The following ADCY10 variants were observed in gnomAD, a reference collection of about 807,000 sequenced individuals.
ADCY10 encodes the protein adenylate cyclase type 10.
In ADCY10, 156 loss-of-function variants were observed where a neutral mutation model predicts 183.3. The observed-to-expected ratio is 0.85, with a 90% CI of 0.75 to 0.97. The LOEUF (loss-of-function observed/expected upper bound fraction) is 0.97, where lower values mean the gene tolerates loss of function less well. Ranked by LOEUF, ADCY10 falls within the 50% of genes least tolerant of loss-of-function variation. ADCY10 has a pLI of 0.00. For synonymous variants in ADCY10, 645 were observed against 670.0 expected (o/e 0.96, Z 0.58); for missense variants, 1,745 against 1,934.3 (o/e 0.90, Z 1.84).
chr1:167,856,222 A>T lies in ADCY10; in HGVS notation c.2114T>A (p.Ile705Asn). Residue 705 changes from isoleucine to asparagine, a missense_variant, in exon 17 of 33, where the codon ATC becomes AAC. Transcript: ENST00000367851. ...GAGGTCAAGACAGATCTTGTTGGAG[A>T]TGTCGTTAGGCTGTACTGCACCAAT... ...IVIGAVQPND[I>N]SNKICLDLNV... 1 of 1,613,870 alleles carries T rather than the reference A, an allele frequency of 6.2e-7. No individual in the cohort carries two copies. Among genetic ancestry groups the T allele is most frequent in the Non-Finnish European group, 8.5e-7 (1 of 1,179,840 alleles).
intron 14 of ADCY10, among the ~76,000 whole-genome samples, chr1:167,865,975 G>A (rs534452497): frequency 5.3e-5 from 8 of 152,250 alleles, no homozygotes; most frequent in South Asian, 4.1e-4. Context: ...TCCAGCCTCC[G>A]TCTCCCAACA....
intron 8 of ADCY10, among the ~76,000 whole-genome samples, chr1:167,888,182 T>A (rs1445918432): frequency 6.6e-6 from 1 of 152,240 alleles, no homozygotes; most frequent in Non-Finnish European, 1.5e-5. Context: ...TTGCTATAGC[T>A]GTGGTATAAT....
At chr1:167,832,493 A>AC (rs963460090) in intron 25 of ADCY10, among the ~76,000 whole-genome samples, 2 of 151,964 alleles carry the variant, frequency 1.3e-5, no homozygotes, top group South Asian at 4.2e-4. Flanking sequence ...ACCAACGGAT[A>AC]CCCCCCATGT....
intron 21 of ADCY10, among the ~76,000 whole-genome samples, chr1:167,844,969 G>T (rs1664896091): frequency 6.6e-6 from 1 of 152,104 alleles, no homozygotes; most frequent in South Asian, 2.1e-4. Context: ...TGAGTCTTTG[G>T]GTCCTTACAC....
At chr1:167,860,777 C>T in intron 15 of ADCY10, 94 bp downstream of exon 15, 1 of 1,069,080 alleles carries the variant, frequency 9.4e-7, no homozygotes. Flanking sequence ...TGCAGATATA[C>T]AGACCAAAGA....
rs77193011 is a variant in ADCY10 at position 167,846,706 on chromosome 1, G to C, written c.2438-443C>G. Among the ~76,000 whole-genome samples the C allele has an allele frequency of 3.8e-3, 580 of 152,128 alleles. 7 individuals are homozygous for C. Among genetic ancestry groups the C allele is most frequent in the African/African-American group, 0.013 (531 of 41,488 alleles). ...AGAAACTCCTGGTTTCTCTCTATCT[G>C]CCCTAGAAATTTATGTATTCTCATG... On this transcript the variant is annotated intron_variant, in intron 19 of 32. Coordinates refer to ENST00000367851, the MANE Select transcript of ADCY10 (RefSeq NM_018417.6).
chr1:167,879,527 C>T (rs950086850), intron 11 of ADCY10, among the ~76,000 whole-genome samples: 4 of 152,108 alleles, frequency 2.6e-5, no homozygotes, highest in Non-Finnish European at 4.4e-5. Context: ...CATGGCTAAT[C>T]CTGCCCCATC....
chr1:167,852,662 C>A (rs987933991), intron 18 of ADCY10, among the ~76,000 whole-genome samples: 2 of 151,836 alleles, frequency 1.3e-5, no homozygotes, highest in African/African-American at 4.8e-5. Context: ...GATCCACTAT[C>A]ATCTTTAAAA....
At chr1:167,810,379 G>T (rs1217995736) in intron 32 of ADCY10, among the ~76,000 whole-genome samples, 1 of 152,198 alleles carries the variant, frequency 6.6e-6, no homozygotes, top group Non-Finnish European at 1.5e-5. Flanking sequence ...CAAGGTAATG[G>T]TATTAAGAGT....
intron 2 of ADCY10, among the ~76,000 whole-genome samples, chr1:167,904,384 T>C (rs203775): frequency 0.68 from 103,096 of 151,978 alleles, 36,044 homozygotes; most frequent in African/African-American, 0.86. Flanking sequence ...CCGAACCCGG[T>C]GGCCTCAGCT....
intron 4 of ADCY10, 50 bp downstream of exon 4, chr1:167,901,966 G>C: frequency 6.2e-7 from 1 of 1,608,326 alleles, no homozygotes; most frequent in Non-Finnish European, 8.5e-7. Context: ...AGAAGCACAG[G>C]CACCTCAGCA....
Position 167,820,052 on chromosome 1 carries a change from C to G in ADCY10, c.4287-1785G>C, listed in dbSNP as rs574525904. ...GACTCCCAGTTCTACGTTTCAAAGC[C>G]TCTTTCGTTACTCATCCTTGAGATA... On this transcript the variant is annotated intron_variant, in intron 30 of 32. Transcript: ENST00000367851. 9.5e-6 allele frequency: 15 copies of G among 1,578,220 alleles called. 1 individual carries two copies. In the South Asian group the frequency reaches 1.3e-4, roughly 14 times the overall value.
intron 8 of ADCY10, among the ~76,000 whole-genome samples, chr1:167,891,958 T>A (rs927469506): frequency 1.3e-5 from 2 of 151,564 alleles, no homozygotes; most frequent in Non-Finnish European, 2.9e-5. Flanking sequence ...TTAACCAATG[T>A]GCTAATTTTT....
At chr1:167,851,789 C>T (rs1437284258) in intron 18 of ADCY10, among the ~76,000 whole-genome samples, 1 of 150,258 alleles carries the variant, frequency 6.7e-6, no homozygotes, top group African/African-American at 2.5e-5. Context: ...TGCCACTGCA[C>T]TCCAGCCTGG....
At chr1:167,879,898 C>T (rs1220385232) in intron 11 of ADCY10, among the ~76,000 whole-genome samples, 1 of 152,170 alleles carries the variant, frequency 6.6e-6, no homozygotes, top group Non-Finnish European at 1.5e-5. Flanking sequence ...CCACTGCTCC[C>T]CTCTCATGAC....
Position 167,854,346 on chromosome 1 carries a change from G to C in ADCY10, c.2308+7C>G, listed in dbSNP as rs1035711944. 6.2e-7 allele frequency: 1 copy of C among 1,613,986 alleles called. No individual in the cohort carries two copies. The highest frequency in any genetic ancestry group is 1.3e-5 in the African/African-American group (1 of 74,914). ...GAGTAAGAAAGAACCATCACCGCAG[G>C]ACTTACTGAACAGGTTATTCCAGGT... is the stretch of plus-strand genomic sequence containing the variant. On this transcript the variant is annotated splice_region_variant and intron_variant, in intron 18 of 32. Coordinates refer to ENST00000367851, the MANE Select transcript of ADCY10 (RefSeq NM_018417.6).
chr1:167,815,786 G>A (rs1156526708), intron 31 of ADCY10, among the ~76,000 whole-genome samples: 2 of 152,116 alleles, frequency 1.3e-5, no homozygotes, highest in Admixed American at 6.6e-5. Flanking sequence ...AAAGTAGAGA[G>A]CATGTAAGAG....
At chr1:167,873,631 C>T (rs1384188778) in intron 13 of ADCY10, among the ~76,000 whole-genome samples, 4 of 152,092 alleles carry the variant, frequency 2.6e-5, no homozygotes, top group African/African-American at 9.7e-5. Flanking sequence ...GGTCTACTCC[C>T]CTGTCTAATC....
At chr1:167,830,501 CTT>C (rs1286627410) in intron 25 of ADCY10, among the ~76,000 whole-genome samples, 3 of 152,060 alleles carry the variant, frequency 2.0e-5, no homozygotes, top group Admixed American at 6.6e-5. Context: ...AAGCGATTCT[CTT>C]TCCTCAGCCT....
Sources: gnomAD v4.1 joint callset for allele counts (sites outside exome capture counted in the v4.1 genomes callset) on GRCh38, gnomAD v4.1.1 for gene constraint, MANE v1.5 for transcripts, NCBI Gene and HGNC (gene_info 2026-07-23, HGNC 2026-07-21) for gene names.